Variants in LINGO2 observed in about 807,000 individuals in gnomAD.
LINGO2 encodes the protein leucine-rich repeat and immunoglobulin-like domain-containing nogo receptor-interacting protein 2.
A neutral mutation model predicts 30.6 loss-of-function variants in LINGO2; 14 were observed. The observed-to-expected ratio is 0.46, with a 90% CI of 0.30 to 0.72. The LOEUF is 0.72. Ranked by LOEUF, LINGO2 falls within the 30% of genes least tolerant of loss-of-function variation. The pLI, the probability that LINGO2 is intolerant of heterozygous loss-of-function variation, is 0.07. For synonymous variants in LINGO2, 317 were observed against 288.5 expected (o/e 1.10, Z -1.00); for missense variants, 729 against 751.7 (o/e 0.97, Z 0.35).
intron 1 of LINGO2, among the ~76,000 whole-genome samples, chr9:28,489,965 A>G (rs939938072): frequency 6.6e-6 from 1 of 151,952 alleles, no homozygotes; most frequent in Non-Finnish European, 1.5e-5. Flanking sequence ...GTAATAAGTA[A>G]AGTATATAAT....
chr9:28,102,101 C>T (rs141787718), intron 4 of LINGO2, among the ~76,000 whole-genome samples: 1 of 151,822 alleles, frequency 6.6e-6, no homozygotes, highest in African/African-American at 2.4e-5. Flanking sequence ...ACGTTGGAAT[C>T]AAAACTGTTT....
the LINGO2 span, among the ~76,000 whole-genome samples, chr9:28,977,126 T>G: frequency 6.6e-6 from 1 of 152,114 alleles, no homozygotes; most frequent in African/African-American, 2.4e-5. Context: ...ACCAATCTTC[T>G]CATAACTCAG....
intron 2 of LINGO2, among the ~76,000 whole-genome samples, chr9:28,386,174 A>G (rs1821572531): frequency 6.6e-6 from 1 of 152,192 alleles, no homozygotes; most frequent in Non-Finnish European, 1.5e-5. Context: ...TTAAAGGGAA[A>G]GGATACACAA....
intron 1 of LINGO2, among the ~76,000 whole-genome samples, chr9:28,519,868 A>C (rs776688070): frequency 6.8e-4 from 103 of 152,056 alleles, no homozygotes; most frequent in Non-Finnish European, 1.2e-3. Context: ...CCAGCCCTTG[A>C]TCCCCAATTT....
chr9:28,200,652 T>C (rs1402026083), intron 4 of LINGO2, among the ~76,000 whole-genome samples: 1 of 152,216 alleles, frequency 6.6e-6, no homozygotes, highest in Admixed American at 6.5e-5. Context: ...GTGAGTTTAG[T>C]TGTTTTGTAA....
intron 4 of LINGO2, among the ~76,000 whole-genome samples, chr9:28,037,860 G>A (rs758534361): frequency 1.1e-4 from 17 of 152,312 alleles, no homozygotes; most frequent in Non-Finnish European, 1.9e-4. Context: ...TATGTTAGGC[G>A]TCAGCTACTC....
chr9:27,939,995 T>C, the LINGO2 span: 1 of 152,196 alleles, frequency 6.6e-6, no homozygotes, highest in Non-Finnish European at 1.5e-5. Context: ...TCTCTAGCAG[T>C]CTGTTCTTTT....
chr9:28,930,386 C>A, the LINGO2 span, among the ~76,000 whole-genome samples: 1 of 152,160 alleles, frequency 6.6e-6, no homozygotes, highest in African/African-American at 2.4e-5. The surrounding 1 kb of genome is among the most constrained non-coding windows in gnomAD (Gnocchi z 4.2). Flanking sequence ...TGCTTGGCAT[C>A]CCATAGGGCT....
At chr9:27,991,669 C>T (rs1314519955) in intron 5 of LINGO2, among the ~76,000 whole-genome samples, 4 of 152,104 alleles carry the variant, frequency 2.6e-5, no homozygotes, top group Middle Eastern at 3.4e-3. Flanking sequence ...ACATAGGGAC[C>T]GTATAACTTT....
chr9:28,829,874 A>G, the LINGO2 span, among the ~76,000 whole-genome samples: 1 of 152,154 alleles, frequency 6.6e-6, no homozygotes, highest in Admixed American at 6.5e-5. Flanking sequence ...TGGGCGAAAG[A>G]GAGAAACTCC....
the LINGO2 span, among the ~76,000 whole-genome samples, chr9:29,103,924 A>G: frequency 3.3e-5 from 5 of 152,188 alleles, no homozygotes; most frequent in African/African-American, 7.2e-5. Context: ...CGCCTCATGA[A>G]TAAGTCACGT....
intron 4 of LINGO2, among the ~76,000 whole-genome samples, chr9:28,290,134 T>A (rs1823666535): frequency 6.6e-6 from 1 of 152,142 alleles, no homozygotes; most frequent in African/African-American, 2.4e-5. Context: ...TGAGAGAAGT[T>A]AAGTAATTTT....
the LINGO2 span, among the ~76,000 whole-genome samples, chr9:28,908,213 C>T: frequency 6.6e-6 from 1 of 151,402 alleles, no homozygotes; most frequent in Non-Finnish European, 1.5e-5. Context: ...TGTGATAGTA[C>T]AATCAAAGGC....
the LINGO2 span, among the ~76,000 whole-genome samples, chr9:29,016,678 C>A: frequency 6.6e-6 from 1 of 152,110 alleles, no homozygotes; most frequent in Non-Finnish European, 1.5e-5. Context: ...GCATCTATAG[C>A]TACTTCATAA....
Position 28,148,987 on chromosome 9 carries a change from G to A in LINGO2, c.-86-136582C>T. Reference sequence around the variant, plus strand: ...AACTGTCGGGGCCACCGCTGCAGCTGCAACCGACCCCTCCCCTGCAACTGA... The same window carrying A: ...AACTGTCGGGGCCACCGCTGCAGCTACAACCGACCCCTCCCCTGCAACTGA... On this transcript the variant is annotated intron_variant, in intron 4 of 5. Coordinates refer to ENST00000379992, the Ensembl canonical transcript of LINGO2. The surrounding 1 kb of genome is among the most constrained non-coding windows in gnomAD (Gnocchi z 5.1). 2 of 1,534,240 alleles carry A rather than the reference G, an allele frequency of 1.3e-6. No individual in the cohort carries two copies. The highest frequency in any genetic ancestry group is 1.7e-6 in the Non-Finnish European group (2 of 1,146,782).
chr9:28,938,370 A>G, the LINGO2 span, among the ~76,000 whole-genome samples: 3 of 152,118 alleles, frequency 2.0e-5, no homozygotes, highest in Admixed American at 6.5e-5. Context: ...TTTAAGTTCA[A>G]TTTCCTTTTT....
chr9:28,658,526 A>G (rs1366380545), intron 1 of LINGO2, among the ~76,000 whole-genome samples: 1 of 152,028 alleles, frequency 6.6e-6, no homozygotes, highest in Non-Finnish European at 1.5e-5. Context: ...TTTTACTTAA[A>G]ATATATTTTG....
At chr9:29,055,996 T>C in the LINGO2 span, among the ~76,000 whole-genome samples, 1 of 119,726 alleles carries the variant, frequency 8.4e-6, no homozygotes, top group Non-Finnish European at 1.8e-5. Flanking sequence ...ACACCACATT[T>C]TCTTTATCCA....
At chr9:28,823,847 T>C in the LINGO2 span, among the ~76,000 whole-genome samples, 1 of 152,214 alleles carries the variant, frequency 6.6e-6, no homozygotes, top group Non-Finnish European at 1.5e-5. Context: ...AGTCTCATTG[T>C]TCTCAGGTGT....
Sources: allele counts gnomAD v4.1 joint callset (sites outside exome capture counted in the v4.1 genomes callset), GRCh38; gene constraint gnomAD v4.1.1; non-coding constraint Gnocchi (gnomAD v3.1); transcripts MANE v1.5; gene names NCBI Gene and HGNC (gene_info 2026-07-23, HGNC 2026-07-21).